The following LRRTM4 variants were observed in gnomAD, a reference collection of about 807,000 sequenced individuals.
LRRTM4 encodes leucine-rich repeat transmembrane neuronal protein 4.
A neutral mutation model predicts 47.6 loss-of-function variants in LRRTM4; 25 were observed. That is an observed-to-expected ratio of 0.53 (90% CI 0.38 to 0.73). The LOEUF (loss-of-function observed/expected upper bound fraction) is 0.73, where lower values mean the gene tolerates loss of function less well. LRRTM4 is among the 30% of genes least tolerant of loss of function. The pLI is 0.00. For synonymous variants in LRRTM4, 311 were observed against 269.5 expected, an observed-to-expected ratio of 1.15 and a Z score of -1.51; for missense variants, 638 against 713.4, an observed-to-expected ratio of 0.89 and a Z score of 1.20.
intron 3 of LRRTM4, among the ~76,000 whole-genome samples, chr2:77,170,035 C>T (rs188154596): frequency 1.3e-5 from 2 of 152,220 alleles, no homozygotes; most frequent in East Asian, 3.9e-4. Context: ...ATGTGTTCAA[C>T]CAAATGATAG....
Position 76,801,680 on chromosome 2 carries a change from G to A in LRRTM4, c.1552-52764C>T, listed in dbSNP as rs534804936. ...AAAGTATAATAAAAAAAAAAGAAAAGTACAGGTTAACATCCCTGGTGAACA... is the reference window on the plus strand; with the variant it reads ...AAAGTATAATAAAAAAAAAAGAAAAATACAGGTTAACATCCCTGGTGAACA... On this transcript the variant is annotated intron_variant, in intron 3 of 3. Coordinates refer to ENST00000409884, the MANE Select transcript of LRRTM4 (RefSeq NM_001134745.3). Among the ~76,000 whole-genome samples, 3 of 151,584 alleles carry A rather than the reference G, an allele frequency of 2.0e-5. No homozygotes were observed. The East Asian group carries it at 5.8e-4, about 30-fold the overall frequency.
At chr2:77,480,814 GTGTGTGT>G (rs1677652447) in intron 3 of LRRTM4, among the ~76,000 whole-genome samples, 24 of 130,924 alleles carry the variant, frequency 1.8e-4, no homozygotes, top group South Asian at 1.4e-3. Flanking sequence ...GTGTGTGTGT[GTGTGTGT>G]GGAGAGAGAG....
At chr2:76,779,113 G>T (rs1674199501) in intron 3 of LRRTM4, among the ~76,000 whole-genome samples, 1 of 150,710 alleles carries the variant, frequency 6.6e-6, no homozygotes, top group African/African-American at 2.5e-5. Flanking sequence ...TGATTGCACT[G>T]TGGTCTGAGA....
chr2:76,816,063 A>C (rs546547349), intron 3 of LRRTM4, among the ~76,000 whole-genome samples: 4 of 152,120 alleles, frequency 2.6e-5, no homozygotes, highest in African/African-American at 9.6e-5. Flanking sequence ...AGCAGATACA[A>C]CCTGGGGGAG....
At chr2:77,477,906 AG>A (rs1416193562) in intron 3 of LRRTM4, among the ~76,000 whole-genome samples, 2 of 7,366 alleles carry the variant, frequency 2.7e-4, no homozygotes, top group East Asian at 1.8e-3. Flanking sequence ...AGAAAGAAAA[AG>A]AAAGAAAGAA....
intron 3 of LRRTM4, among the ~76,000 whole-genome samples, chr2:77,237,875 C>G (rs1480231920): frequency 6.6e-6 from 1 of 152,076 alleles, no homozygotes; most frequent in Non-Finnish European, 1.5e-5. Context: ...GAAGGAAGAG[C>G]AAAATAAAAT....
At chr2:76,781,202 TTTTG>T (rs1416296408) in intron 3 of LRRTM4, among the ~76,000 whole-genome samples, 3 of 152,224 alleles carry the variant, frequency 2.0e-5, no homozygotes, top group South Asian at 2.1e-4. Context: ...ACTGCTGTCT[TTTTG>T]TTTGTCTGTG....
At chr2:77,202,079 TATA>T (rs1222297393) in intron 3 of LRRTM4, among the ~76,000 whole-genome samples, 5 of 152,156 alleles carry the variant, frequency 3.3e-5, no homozygotes, top group African/African-American at 9.7e-5. Flanking sequence ...TGGCAATTTT[TATA>T]ATGACAGCTG....
intron 3 of LRRTM4, among the ~76,000 whole-genome samples, chr2:76,922,730 G>A (rs941332103): frequency 5.9e-5 from 9 of 151,942 alleles, no homozygotes; most frequent in African/African-American, 1.9e-4. Flanking sequence ...TAATAATAAG[G>A]TATACTTAAA....
chr2:77,331,953 C>G (rs893663243), intron 3 of LRRTM4, among the ~76,000 whole-genome samples: 1 of 152,056 alleles, frequency 6.6e-6, no homozygotes, highest in African/African-American at 2.4e-5. Context: ...CAGTCATATA[C>G]TGAAGAACTT....
chr2:76,797,610 T>C (rs180775284), intron 3 of LRRTM4, among the ~76,000 whole-genome samples: 8,241 of 150,594 alleles, frequency 0.055, 524 homozygotes, highest in African/African-American at 0.14. Flanking sequence ...AATTCACACA[T>C]AACAATATTA....
intron 3 of LRRTM4, among the ~76,000 whole-genome samples, chr2:77,224,564 C>T (rs975277430): frequency 5.3e-5 from 8 of 152,168 alleles, no homozygotes; most frequent in Non-Finnish European, 8.8e-5. Flanking sequence ...TAAGAACAGA[C>T]ATTTCTCAAA....
chr2:76,993,824 A>G (rs752122868), intron 3 of LRRTM4, among the ~76,000 whole-genome samples: 23 of 152,006 alleles, frequency 1.5e-4, no homozygotes, highest in Non-Finnish European at 2.9e-4. Flanking sequence ...TTGAAGCACC[A>G]TTCACAATAG....
intron 3 of LRRTM4, among the ~76,000 whole-genome samples, chr2:77,253,719 G>A (rs1006459267): frequency 6.6e-6 from 1 of 151,946 alleles, no homozygotes; most frequent in South Asian, 2.1e-4. Context: ...AAAATAGAAG[G>A]ATTTGTGAAG....
rs1553439564 is a variant in LRRTM4 at position 76,979,541 on chromosome 2, G to GTGTATA, written c.1552-230626_1552-230625insTATACA. Among the ~76,000 whole-genome samples, 15 of 126,956 alleles carry GTGTATA rather than the reference G, an allele frequency of 1.2e-4. No homozygotes were observed. In the East Asian group the frequency reaches 2.7e-3, roughly 23 times the overall value. 83.3% of individuals were successfully genotyped at this position (126,956 alleles called of 152,430 possible). On this transcript the variant is annotated intron_variant, in intron 3 of 3. Transcript: ENST00000409884. The stretch of plus-strand genomic sequence containing the variant: ...ATTCAGACTGCAAAACTGAATTTCT[G>GTGTATA]TATATATATATGCTCTTCCTCTATA...
chr2:77,161,395 A>G (rs1672723982), intron 3 of LRRTM4, among the ~76,000 whole-genome samples: 1 of 152,090 alleles, frequency 6.6e-6, no homozygotes, highest in Non-Finnish European at 1.5e-5. Flanking sequence ...TTTAAAACCC[A>G]GCTTCTGATG....
At chr2:77,469,664 A>G (rs755554672) in intron 3 of LRRTM4, among the ~76,000 whole-genome samples, 3 of 152,184 alleles carry the variant, frequency 2.0e-5, no homozygotes, top group African/African-American at 4.8e-5. Flanking sequence ...AAAGATATCA[A>G]TCTCACTCTG....
At chr2:76,825,399 G>T (rs1166630416) in intron 3 of LRRTM4, among the ~76,000 whole-genome samples, 1 of 151,542 alleles carries the variant, frequency 6.6e-6, no homozygotes, top group African/African-American at 2.4e-5. Context: ...AATAGAGAGG[G>T]AATTGATATA....
intron 3 of LRRTM4, among the ~76,000 whole-genome samples, chr2:76,910,388 C>A (rs1475727205): frequency 6.6e-6 from 1 of 151,728 alleles, no homozygotes; most frequent in Non-Finnish European, 1.5e-5. Context: ...GGAGATATAC[C>A]TAATGCTAGA....
Sources: allele counts gnomAD v4.1 joint callset (sites outside exome capture counted in the v4.1 genomes callset), GRCh38; gene constraint gnomAD v4.1.1; transcripts MANE v1.5; gene names NCBI Gene and HGNC (gene_info 2026-07-23, HGNC 2026-07-21).